The following FKBP1B variants were observed in gnomAD, a reference collection of about 807,000 sequenced individuals.
The protein encoded by FKBP1B is peptidyl-prolyl cis-trans isomerase FKBP1B.
Under a neutral mutation model 13.5 loss-of-function variants are expected in FKBP1B, and 4 were observed. That is an observed-to-expected ratio of 0.30 (90% CI 0.15 to 0.68). The LOEUF (loss-of-function observed/expected upper bound fraction) is 0.68. FKBP1B is among the 30% of genes least tolerant of loss of function. FKBP1B has a pLI of 0.76. For synonymous variants in FKBP1B, 54 were observed against 53.6 expected, an observed-to-expected ratio of 1.01 and a Z score of -0.03; for missense variants, 93 against 136.2, an observed-to-expected ratio of 0.68 and a Z score of 1.58.
upstream of FKBP1B, chr2:24,049,610 C>T (rs918378969): frequency 1.1e-5 from 4 of 364,654 alleles, no homozygotes; most frequent in East Asian, 7.9e-5. Flanking sequence ...CGCTAACAGC[C>T]GGGCGGGGTC....
intron 2 of FKBP1B, among the ~76,000 whole-genome samples, chr2:24,055,211 T>G (rs1558344657): frequency 7.4e-6 from 1 of 134,432 alleles, no homozygotes; most frequent in African/African-American, 2.9e-5. Context: ...TTTTTTTTTT[T>G]GTCATTGTTG....
the FKBP1B span, among the ~76,000 whole-genome samples, chr2:24,036,990 GCATA>G: frequency 2.0e-5 from 3 of 152,366 alleles, no homozygotes; most frequent in Non-Finnish European, 4.4e-5. Flanking sequence ...GGACATGCAT[GCATA>G]AAGAAATGCA....
chr2:24,039,831 C>T, the FKBP1B span, among the ~76,000 whole-genome samples: 243 of 151,886 alleles, frequency 1.6e-3, 12 homozygotes, highest in South Asian at 0.048. Flanking sequence ...GAGTCTCACT[C>T]TTGTTGCTCA....
intron 1 of FKBP1B, among the ~76,000 whole-genome samples, chr2:24,051,837 T>C (rs1407400022): frequency 2.0e-5 from 3 of 152,228 alleles, no homozygotes; most frequent in Admixed American, 2.0e-4. Flanking sequence ...GCTCTGTGGT[T>C]AGGCTTCCTT....
chr2:24,042,535 C>CAAAAA, the FKBP1B span, among the ~76,000 whole-genome samples: 17 of 61,568 alleles, frequency 2.8e-4, no homozygotes, highest in African/African-American at 2.1e-4. Flanking sequence ...TACTCCGTCT[C>CAAAAA]AAAAAAAAAA....
the FKBP1B span, among the ~76,000 whole-genome samples, chr2:24,044,400 A>G: frequency 1.3e-5 from 2 of 151,906 alleles, no homozygotes; most frequent in African/African-American, 2.4e-5. Flanking sequence ...CTCCCAAGGA[A>G]CTGGGATAGG....
the FKBP1B span, among the ~76,000 whole-genome samples, chr2:24,036,615 G>C: frequency 2.0e-5 from 3 of 152,200 alleles, no homozygotes; most frequent in African/African-American, 7.2e-5. Context: ...GTACTAATAT[G>C]AATGGATACA....
At position 24,063,460 on chromosome 2, in the gene FKBP1B, C is replaced by A; in HGVS notation, c.*268C>A. 2 of 382,386 alleles carry A rather than the reference C, an allele frequency of 5.2e-6. No homozygotes were observed. Among genetic ancestry groups the A allele is most frequent in the South Asian group, 6.7e-5 (1 of 14,934 alleles). 23.7% of individuals were successfully genotyped at this position (382,386 alleles called of 1,614,324 possible). A position where few individuals can be genotyped will look rare whatever the true frequency, so the allele number is the denominator to read the frequency against. ...TGCATGTAGTAGCCTTTCCTGATGA[C>A]AGAACACAGATCTCTTGTTCGCACA... is the stretch of plus-strand genomic sequence containing the variant. On this transcript the variant is annotated 3_prime_UTR_variant, in exon 4 of 4. Coordinates refer to ENST00000380986, the MANE Select transcript of FKBP1B (RefSeq NM_004116.5).
At chr2:24,061,289 A>AC (rs1664383721) in intron 3 of FKBP1B, among the ~76,000 whole-genome samples, 1 of 152,030 alleles carries the variant, frequency 6.6e-6, no homozygotes, top group African/African-American at 2.4e-5. Context: ...ACATGGTGTA[A>AC]CCCCGTCCCT....
chr2:24,038,605 C>T, the FKBP1B span: 1 of 1,614,028 alleles, frequency 6.2e-7, no homozygotes. Context: ...AAGAGAATTA[C>T]CCTCAGACTT....
chr2:24,042,135 C>T, the FKBP1B span, among the ~76,000 whole-genome samples: 1 of 152,028 alleles, frequency 6.6e-6, no homozygotes, highest in South Asian at 2.1e-4. Flanking sequence ...GGTGTGGCAG[C>T]TCACGCCTGT....
At chr2:24,053,413 G>A (rs888326656) in intron 1 of FKBP1B, among the ~76,000 whole-genome samples, 5 of 151,036 alleles carry the variant, frequency 3.3e-5, no homozygotes, top group Middle Eastern at 3.4e-3. Context: ...ACAGATGTGA[G>A]CCACCATGCC....
upstream of FKBP1B, among the ~76,000 whole-genome samples, chr2:24,046,110 T>C (rs1266310951): frequency 6.6e-6 from 1 of 150,480 alleles, no homozygotes; most frequent in Admixed American, 6.6e-5. Flanking sequence ...TGAGACCCTG[T>C]TGGGGAGGTG....
rs905072934 is a variant in FKBP1B at position 24,054,274 on chromosome 2, G to A, written c.85+325G>A. The A allele has an allele frequency of 7.7e-6, 4 of 517,770 alleles. No individual in the cohort carries two copies. In the African/African-American group the frequency reaches 7.7e-5, roughly 10 times the overall value. 32.1% of individuals were successfully genotyped at this position (517,770 alleles called of 1,614,324 possible). A position where few individuals can be genotyped will look rare whatever the true frequency, so the allele number is the denominator to read the frequency against. On this transcript the variant is annotated intron_variant, in intron 2 of 3. Transcript: ENST00000380986. ...TCCCTGCTGGGTCTGTCTGATATTT[G>A]GAAATCCCTCCTAGAGCTCCCCGCA...
chr2:24,057,465 C>T (rs563166807), intron 2 of FKBP1B, among the ~76,000 whole-genome samples: 182 of 152,240 alleles, frequency 1.2e-3, no homozygotes, highest in Non-Finnish European at 1.7e-3. Flanking sequence ...CCTCTGCCTC[C>T]CAGGTTCAAG....
chr2:24,063,475 TTG>T lies in FKBP1B; in HGVS notation c.*285_*286del. ...TTCCTGATGACAGAACACAGATCTC[TTG>T]TTCGCACAATCTACACTGCCTTACC... On this transcript the variant is annotated 3_prime_UTR_variant, in exon 4 of 4. Transcript: ENST00000380986. 1 of 347,614 alleles carries T rather than the reference TTG, an allele frequency of 2.9e-6. No homozygotes were observed. Among genetic ancestry groups the T allele is most frequent in the South Asian group, 8.6e-5 (1 of 11,636 alleles). 21.5% of individuals were successfully genotyped at this position (347,614 alleles called of 1,614,324 possible). A position where few individuals can be genotyped will look rare whatever the true frequency, so the allele number is the denominator to read the frequency against.
chr2:24,033,552 G>A, the FKBP1B span, among the ~76,000 whole-genome samples: 4 of 152,098 alleles, frequency 2.6e-5, no homozygotes, highest in African/African-American at 9.7e-5. Flanking sequence ...ACCAGCCTGG[G>A]CAATATGGCA....
intron 3 of FKBP1B, among the ~76,000 whole-genome samples, chr2:24,062,306 G>A (rs1272704484): frequency 6.6e-6 from 1 of 152,130 alleles, no homozygotes; most frequent in African/African-American, 2.4e-5. Context: ...CCGAGTAGCT[G>A]AGATTACAGG....
upstream of FKBP1B, among the ~76,000 whole-genome samples, chr2:24,045,619 AAGAG>A (rs1258646775): frequency 1.0e-4 from 9 of 87,844 alleles, no homozygotes; most frequent in Non-Finnish European, 1.8e-4. Flanking sequence ...AAAAAAAAAA[AAGAG>A]AGAGAGAGAG....
Sources: gnomAD v4.1 joint callset for allele counts (sites outside exome capture counted in the v4.1 genomes callset) on GRCh38, gnomAD v4.1.1 for gene constraint, MANE v1.5 for transcripts, NCBI Gene and HGNC (gene_info 2026-07-23, HGNC 2026-07-21) for gene names.